RBFOX1: variants seen among roughly 807,000 people sequenced by gnomAD.
RBFOX1 encodes the protein RNA binding protein fox-1 homolog 1.
In RBFOX1, 8 loss-of-function variants were observed where a neutral mutation model predicts 57.7. The ratio of observed to expected loss-of-function variants is 0.14; its 90% CI spans 0.08 to 0.25. RBFOX1 has a LOEUF of 0.25. Among genes scored for constraint, RBFOX1 ranks in the 10% least tolerant of loss-of-function variants. RBFOX1 has a pLI of 1.00. For synonymous variants in RBFOX1, 326 were observed against 222.4 expected (o/e 1.47, Z -4.15); for missense variants, 611 against 548.5 (o/e 1.11, Z -1.14).
chr16:6,219,690 C>G (rs138274430), intron 1 of RBFOX1, among the ~76,000 whole-genome samples: 91 of 152,162 alleles, frequency 6.0e-4, no homozygotes, highest in Middle Eastern at 3.4e-3. Flanking sequence ...GCCTGACCAA[C>G]ATGGTGAAAA....
At chr16:7,058,515 C>G (rs760778982) in intron 4 of RBFOX1, among the ~76,000 whole-genome samples, 1 of 152,184 alleles carries the variant, frequency 6.6e-6, no homozygotes, top group Non-Finnish European at 1.5e-5. Context: ...TCAATCCTCT[C>G]TATGTCAAAT....
chr16:6,470,312 C>A (rs914009386), intron 2 of RBFOX1, among the ~76,000 whole-genome samples: 1 of 152,086 alleles, frequency 6.6e-6, no homozygotes, highest in Non-Finnish European at 1.5e-5. Flanking sequence ...GGAATTTGAC[C>A]ATCTCAATTC....
At chr16:6,852,053 G>A (rs1010028457) in intron 3 of RBFOX1, among the ~76,000 whole-genome samples, 2 of 151,810 alleles carry the variant, frequency 1.3e-5, no homozygotes, top group African/African-American at 4.8e-5. Context: ...AGTCTCTTGA[G>A]TAGCTGAGAC....
intron 3 of RBFOX1, among the ~76,000 whole-genome samples, chr16:6,932,492 C>T (rs904872565): frequency 6.6e-6 from 1 of 152,176 alleles, no homozygotes; most frequent in Non-Finnish European, 1.5e-5. Flanking sequence ...AAAACCATAG[C>T]CCTTCTTGAT....
intron 3 of RBFOX1, among the ~76,000 whole-genome samples, chr16:5,665,165 G>C (rs1033473559): frequency 1.3e-5 from 2 of 149,710 alleles, no homozygotes; most frequent in Non-Finnish European, 3.0e-5. Context: ...TGCCCAGGCT[G>C]GCCTCGAACT....
chr16:5,638,730 C>T (rs1480375308), intron 3 of RBFOX1, among the ~76,000 whole-genome samples: 6 of 152,294 alleles, frequency 3.9e-5, no homozygotes, highest in South Asian at 4.1e-4. Flanking sequence ...GACACTGGCT[C>T]TCTACATCAT....
intron 3 of RBFOX1, among the ~76,000 whole-genome samples, chr16:6,940,354 A>G (rs541409899): frequency 2.5e-4 from 38 of 152,314 alleles, no homozygotes; most frequent in South Asian, 1.7e-3. Context: ...CAAAAGCTCA[A>G]ACTACATTGC....
exon 3 of RBFOX1, chr16:5,599,130 C>A (rs978266844): frequency 1.6e-6 from 1 of 642,532 alleles, no homozygotes; most frequent in Admixed American, 2.3e-5. Flanking sequence ...AGCACTTGCA[C>A]AATTTCTATC....
chr16:5,582,437 G>C (rs1219946957), intron 2 of RBFOX1, among the ~76,000 whole-genome samples: 7 of 152,086 alleles, frequency 4.6e-5, no homozygotes, highest in Non-Finnish European at 1.0e-4. Flanking sequence ...TGCAAGTACA[G>C]TGCCCCTGTT....
At chr16:6,422,114 A>C (rs1477138330) in intron 2 of RBFOX1, among the ~76,000 whole-genome samples, 6 of 151,318 alleles carry the variant, frequency 4.0e-5, no homozygotes, top group African/African-American at 1.2e-4. Flanking sequence ...GTAGAGATGG[A>C]GTTTTCCCAT....
At chr16:6,773,917 CG>C (rs2078888771) in intron 3 of RBFOX1, 8 of 982,566 alleles carry the variant, frequency 8.1e-6, no homozygotes, top group South Asian at 9.4e-5. Flanking sequence ...ATTTGCGTTG[CG>C]GGGGTGTGGA....
At chr16:7,256,109 T>A (rs1274553460) in intron 4 of RBFOX1, among the ~76,000 whole-genome samples, 2 of 152,224 alleles carry the variant, frequency 1.3e-5, no homozygotes, top group Non-Finnish European at 2.9e-5. Context: ...TAGGGAGTGG[T>A]GAGCTTCTAA....
At chr16:6,979,292 C>G (rs4130082) in intron 3 of RBFOX1, among the ~76,000 whole-genome samples, 9,845 of 152,182 alleles carry the variant, frequency 0.065, 1,052 homozygotes, top group African/African-American at 0.22. Flanking sequence ...GGGGTCCTGT[C>G]TGATTAAACA....
intron 1 of RBFOX1, among the ~76,000 whole-genome samples, chr16:5,334,625 G>A (rs1328398589): frequency 2.0e-5 from 3 of 152,096 alleles, no homozygotes; most frequent in Non-Finnish European, 4.4e-5. Context: ...TATTTTTCAA[G>A]TGTGTGCTTG....
intron 2 of RBFOX1, among the ~76,000 whole-genome samples, chr16:6,569,737 T>C: frequency 6.6e-6 from 1 of 152,210 alleles, no homozygotes; most frequent in Non-Finnish European, 1.5e-5. Flanking sequence ...GTATTCTCCC[T>C]TCATTCTCTA....
At chr16:6,239,844 A>G (rs770213680) in intron 1 of RBFOX1, among the ~76,000 whole-genome samples, 1 of 152,078 alleles carries the variant, frequency 6.6e-6, no homozygotes, top group Admixed American at 6.6e-5. Context: ...GATACGACAG[A>G]CTTTATTGAC....
chr16:6,563,826 CAAAA>C (rs138609592), intron 2 of RBFOX1, among the ~76,000 whole-genome samples: 1 of 140,188 alleles, frequency 7.1e-6, no homozygotes, highest in Non-Finnish European at 1.6e-5. Context: ...ATCCTGTCTC[CAAAA>C]AAAAAATATA....
chr16:5,426,437 C>G (rs1348376890), intron 1 of RBFOX1, among the ~76,000 whole-genome samples: 1 of 152,214 alleles, frequency 6.6e-6, no homozygotes, highest in Non-Finnish European at 1.5e-5. Context: ...CCGTACCCAG[C>G]GTTTGCAGCC....
intron 4 of RBFOX1, among the ~76,000 whole-genome samples, chr16:7,102,140 G>C (rs1206022908): frequency 6.6e-6 from 1 of 152,174 alleles, no homozygotes; most frequent in Non-Finnish European, 1.5e-5. Context: ...TTCTCTGTTA[G>C]AAAAGAAACA....
Sources: gnomAD v4.1 joint callset for allele counts (sites outside exome capture counted in the v4.1 genomes callset) on GRCh38, gnomAD v4.1.1 for gene constraint, MANE v1.5 for transcripts, NCBI Gene and HGNC (gene_info 2026-07-23, HGNC 2026-07-21) for gene names.